The following ABLIM1 variants were observed in gnomAD, a reference collection of about 807,000 sequenced individuals.
ABLIM1 encodes the protein actin binding LIM protein 1.
A neutral mutation model predicts 107.0 loss-of-function variants in ABLIM1; 40 were observed. That is an observed-to-expected ratio of 0.37 (90% CI 0.29 to 0.49). The LOEUF (loss-of-function observed/expected upper bound fraction) is 0.49, where lower values mean the gene tolerates loss of function less well. Among genes scored for constraint, ABLIM1 ranks in the 20% least tolerant of loss-of-function variants. The pLI is 0.97. For synonymous variants in ABLIM1, 357 were observed against 357.3 expected (o/e 1.00, Z 0.01); for missense variants, 857 against 1,008.5 (o/e 0.85, Z 2.04).
chr10:114,526,086 T>G (rs2064684434), intron 6 of ABLIM1, among the ~76,000 whole-genome samples: 1 of 152,212 alleles, frequency 6.6e-6, no homozygotes, highest in African/African-American at 2.4e-5. Context: ...TCTTTCAACC[T>G]AGAGCCGCAA....
chr10:114,535,668 T>C (rs1225613335), intron 6 of ABLIM1, among the ~76,000 whole-genome samples: 1 of 152,194 alleles, frequency 6.6e-6, no homozygotes, highest in Non-Finnish European at 1.5e-5. Context: ...CATTCTTGCA[T>C]AGATAGCTAG....
intron 2 of ABLIM1, among the ~76,000 whole-genome samples, chr10:114,586,306 G>T (rs904011758): frequency 3.3e-5 from 5 of 152,160 alleles, no homozygotes; most frequent in Non-Finnish European, 7.4e-5. Context: ...GCTCTACTTT[G>T]TGTTTAGCTA....
intron 10 of ABLIM1, among the ~76,000 whole-genome samples, chr10:114,472,747 C>T (rs1342475510): frequency 6.6e-6 from 1 of 151,426 alleles, no homozygotes; most frequent in Non-Finnish European, 1.5e-5. Flanking sequence ...TCCATCCCAG[C>T]ATGCTAATGT....
intron 11 of ABLIM1, among the ~76,000 whole-genome samples, 163 bp downstream of exon 11, chr10:114,468,018 G>A (rs1201568129): frequency 6.6e-6 from 1 of 152,150 alleles, no homozygotes; most frequent in East Asian, 1.9e-4. Flanking sequence ...GTGTCTTAGA[G>A]TCTCCTCTTT....
chr10:114,678,574 G>C (rs2080599830), intron 1 of ABLIM1, among the ~76,000 whole-genome samples: 1 of 152,160 alleles, frequency 6.6e-6, no homozygotes. Context: ...GTCTACGGCT[G>C]CTTTTGTGCT....
chr10:114,460,470 G>A (rs550356446), intron 12 of ABLIM1, among the ~76,000 whole-genome samples: 246 of 152,188 alleles, frequency 1.6e-3, no homozygotes, highest in African/African-American at 5.1e-3. Flanking sequence ...GCGTGGTGGC[G>A]CACGCCTGTA....
At chr10:114,445,999 AG>A (rs2139390880) in intron 15 of ABLIM1, among the ~76,000 whole-genome samples, 1 of 152,312 alleles carries the variant, frequency 6.6e-6, no homozygotes, top group Non-Finnish European at 1.5e-5. Flanking sequence ...CTCAAACTCC[AG>A]GGCTCAACTA....
intron 2 of ABLIM1, among the ~76,000 whole-genome samples, chr10:114,594,298 G>C: frequency 6.6e-6 from 1 of 152,160 alleles, no homozygotes; most frequent in East Asian, 1.9e-4. Flanking sequence ...CCTTACCTGT[G>C]GTATCTGCCA....
intron 1 of ABLIM1, among the ~76,000 whole-genome samples, chr10:114,681,910 G>A (rs1038941225): frequency 1.3e-5 from 2 of 152,218 alleles, no homozygotes; most frequent in Admixed American, 1.3e-4. Context: ...CTGTGGCAGC[G>A]CTCATTTGCA....
chr10:114,610,056 G>A (rs1346228564), intron 1 of ABLIM1, among the ~76,000 whole-genome samples: 1 of 152,224 alleles, frequency 6.6e-6, no homozygotes, highest in African/African-American at 2.4e-5. Context: ...CTAGTCTAAT[G>A]TCCTCACTAG....
chr10:114,770,591 G>A (rs1052287938), upstream of ABLIM1, among the ~76,000 whole-genome samples: 46 of 152,138 alleles, frequency 3.0e-4, no homozygotes, highest in African/African-American at 1.0e-3. Context: ...CAGTGATCTC[G>A]TTCAATCAAC....
At chr10:114,725,735 ATGTGTGTGTG>A (rs3981295) in intron 1 of ABLIM1, among the ~76,000 whole-genome samples, 83 of 142,292 alleles carry the variant, frequency 5.8e-4, no homozygotes, top group African/African-American at 1.7e-3. Flanking sequence ...TATATATAAA[ATGTGTGTGTG>A]TGTGTGTGTG....
At chr10:114,675,606 A>G (rs201426464) in intron 1 of ABLIM1, among the ~76,000 whole-genome samples, 1 of 151,746 alleles carries the variant, frequency 6.6e-6, no homozygotes, top group East Asian at 1.9e-4. Flanking sequence ...AGACTAATAC[A>G]CCAGCCACTA....
chr10:114,439,681 T>C, intron 20 of ABLIM1: 1 of 357,142 alleles, frequency 2.8e-6, no homozygotes, highest in African/African-American at 2.1e-5. Flanking sequence ...GGCAAACTGC[T>C]CTCTCCTATT....
At chr10:114,596,770 C>T (rs763749977) in intron 2 of ABLIM1, among the ~76,000 whole-genome samples, 11 of 152,214 alleles carry the variant, frequency 7.2e-5, no homozygotes, top group Non-Finnish European at 1.0e-4. Context: ...TGTTCAGTGT[C>T]CCCTTTCTCC....
Position 114,614,838 on chromosome 10 carries a change from G to A in ABLIM1, c.245-12877C>T, listed in dbSNP as rs571738922. The stretch of plus-strand genomic sequence containing the variant: ...GGAGGCCAAGGCGGGTGGATCACCC[G>A]AGGTTGGGACGAGACCAGTCTGACC... On this transcript the variant is annotated intron_variant, in intron 1 of 22. Coordinates refer to ENST00000533213, the MANE Select transcript of ABLIM1 (RefSeq NM_002313.7). Among the ~76,000 whole-genome samples the A allele has an allele frequency of 3.3e-5, 5 of 152,174 alleles. No homozygotes were observed. The East Asian group carries it at 5.8e-4, about 18-fold the overall frequency.
chr10:114,482,427 C>CA (rs2057506938), intron 8 of ABLIM1, among the ~76,000 whole-genome samples: 1 of 152,162 alleles, frequency 6.6e-6, no homozygotes, highest in South Asian at 2.1e-4. Flanking sequence ...GCAAGGAAGA[C>CA]AGTTTATCTA....
chr10:114,574,133 T>C (rs1193972213), intron 3 of ABLIM1, among the ~76,000 whole-genome samples: 1 of 152,206 alleles, frequency 6.6e-6, no homozygotes, highest in African/African-American at 2.4e-5. Flanking sequence ...AGAGCTTACA[T>C]CTCTCTGGCT....
At chr10:114,796,818 C>T in the ABLIM1 span, among the ~76,000 whole-genome samples, 1 of 152,156 alleles carries the variant, frequency 6.6e-6, no homozygotes, top group East Asian at 1.9e-4. Context: ...CAACCTCCAC[C>T]CCACCTTGTT....
Sources: allele counts gnomAD v4.1 joint callset (sites outside exome capture counted in the v4.1 genomes callset), GRCh38; gene constraint gnomAD v4.1.1; transcripts MANE v1.5; gene names NCBI Gene and HGNC (gene_info 2026-07-23, HGNC 2026-07-21).